EIF4ENIF1: variants seen among roughly 807,000 people sequenced by gnomAD.
The protein encoded by EIF4ENIF1 is eukaryotic translation initiation factor 4E nuclear import factor 1, also known as eukaryotic translation initiation factor 4E transporter.
In EIF4ENIF1, 23 loss-of-function variants were observed where a neutral mutation model predicts 110.5. That is an observed-to-expected ratio of 0.21 (90% CI 0.15 to 0.29). The LOEUF (loss-of-function observed/expected upper bound fraction) is 0.29. EIF4ENIF1 is among the 10% of genes least tolerant of loss of function. The probability of loss-of-function intolerance (pLI) is 1.00; values close to 1 mark genes in which losing one functional copy is unlikely to be tolerated. For synonymous variants in EIF4ENIF1, 440 were observed against 437.0 expected (o/e 1.01, Z -0.09); for missense variants, 1,031 against 1,221.1 (o/e 0.84, Z 2.32).
At chr22:31,474,487 C>T (rs1601631426) in intron 2 of EIF4ENIF1, among the ~76,000 whole-genome samples, 1 of 138,152 alleles carries the variant, frequency 7.2e-6, no homozygotes, top group African/African-American at 2.7e-5. Flanking sequence ...AACATGCCAT[C>T]TTTTTTTTTT....
At chr22:31,472,004 C>A in intron 2 of EIF4ENIF1, 87 bp from the exon 3 acceptor site, 1 of 1,006,358 alleles carries the variant, frequency 9.9e-7, no homozygotes. Context: ...TCTAAGTGTC[C>A]ATCTTAAACA....
chr22:31,485,856 C>G (rs982844657), intron 2 of EIF4ENIF1, among the ~76,000 whole-genome samples: 1 of 152,042 alleles, frequency 6.6e-6, no homozygotes, highest in Non-Finnish European at 1.5e-5. Flanking sequence ...TGGCTCACAC[C>G]TATAATCCCA....
At chr22:31,477,286 G>C (rs190043077) in intron 2 of EIF4ENIF1, among the ~76,000 whole-genome samples, 473 of 133,338 alleles carry the variant, frequency 3.5e-3, no homozygotes, top group African/African-American at 0.013. Flanking sequence ...GAAATTGGTT[G>C]AATTCAGGAG....
At chr22:31,470,192 C>A (rs1301101935) in intron 3 of EIF4ENIF1, among the ~76,000 whole-genome samples, 1 of 6,106 alleles carries the variant, frequency 1.6e-4, no homozygotes, top group Non-Finnish European at 2.8e-4. Flanking sequence ...AAAGAAAAAT[C>A]CTAACTAATT....
chr22:31,491,587 G>A (rs939457812), upstream of EIF4ENIF1, among the ~76,000 whole-genome samples: 1 of 152,154 alleles, frequency 6.6e-6, no homozygotes, highest in Non-Finnish European at 1.5e-5. Context: ...TTATTTTGGG[G>A]GTGATGAAGT....
chr22:31,441,081 CCT>C (rs1314018718), intron 17 of EIF4ENIF1, among the ~76,000 whole-genome samples: 6 of 152,052 alleles, frequency 3.9e-5, no homozygotes, highest in African/African-American at 1.4e-4. Flanking sequence ...ATGGTGAAAC[CCT>C]GTCTCTACTA....
chr22:31,447,711 G>A (rs1043316917), intron 13 of EIF4ENIF1, 146 bp from the exon 14 acceptor site: 9 of 848,534 alleles, frequency 1.1e-5, no homozygotes, highest in Admixed American at 1.0e-4. Flanking sequence ...TGCTGCCATC[G>A]CAGTGAACAA....
At chr22:31,471,797 A>T in intron 3 of EIF4ENIF1, 47 bp downstream of exon 3, 1 of 1,493,474 alleles carries the variant, frequency 6.7e-7, no homozygotes, top group Admixed American at 2.2e-5. Flanking sequence ...TGGTATAACA[A>T]AAAGTTATTG....
At position 31,443,001 on chromosome 22, in the gene EIF4ENIF1, G is replaced by T; in HGVS notation, c.2167C>A (p.Leu723Ile). 6.2e-7 allele frequency: 1 copy of T among 1,614,108 alleles called. No individual in the cohort carries two copies. The highest frequency in any genetic ancestry group is 2.2e-5 in the East Asian group (1 of 44,884). The change falls in exon 16 of 19, where the codon CTT becomes ATT. Residue 723 changes from leucine (L) to isoleucine (I), a missense_variant. Transcript: ENST00000330125. ...KEEPASGKAA[L>I]GDSKEDTQKA... ...TGAGTATCCTCTTTACTGTCACCAA[G>T]AGCTGCTTTTCCAGATGCTGGCTCC...
At chr22:31,447,059 T>C (rs1389081134) in intron 14 of EIF4ENIF1, 8 of 447,392 alleles carry the variant, frequency 1.8e-5, no homozygotes, top group Middle Eastern at 3.3e-4. Flanking sequence ...TAAAAATGAA[T>C]GGTTTAACTG....
intron 4 of EIF4ENIF1, among the ~76,000 whole-genome samples, 196 bp downstream of exon 4, chr22:31,467,979 A>C (rs2051247268): frequency 1.3e-5 from 2 of 152,204 alleles, no homozygotes; most frequent in Admixed American, 6.5e-5. Flanking sequence ...ACAGCCTAAC[A>C]GTCTTCTTAT....
chr22:31,466,326 T>C (rs2051185265), intron 4 of EIF4ENIF1, among the ~76,000 whole-genome samples: 1 of 151,670 alleles, frequency 6.6e-6, no homozygotes, highest in South Asian at 2.1e-4. Flanking sequence ...GGCGCGACAA[T>C]CGCTTGAACC....
upstream of EIF4ENIF1, chr22:31,490,087 G>A (rs1446787762): frequency 1.3e-5 from 2 of 152,254 alleles, no homozygotes; most frequent in African/African-American, 4.8e-5. Context: ...CCGCTCCCGT[G>A]CGCGCAGGCG....
chr22:31,454,339 T>C lies in EIF4ENIF1; in HGVS notation c.1317A>G (p.Glu439=), dbSNP rs762160705. 1 of 1,614,178 alleles carries C rather than the reference T, an allele frequency of 6.2e-7. No individual in the cohort carries two copies. The highest frequency in any genetic ancestry group is 8.5e-7 in the Non-Finnish European group (1 of 1,180,024). Residue 439 remains glutamate (E), a synonymous_variant, in exon 10 of 19, where the codon GAA becomes GAG. Coordinates refer to ENST00000330125, the MANE Select transcript of EIF4ENIF1 (RefSeq NM_019843.4). The stretch of plus-strand genomic sequence containing the variant: ...CAACCTTCAAGCCCTTCAGACCTGC[T>C]TCTACCTCCTCCACTGAAAGCACAA... ...SGVVLSVEEV[E]AGLKGLKVDQ...
In EIF4ENIF1 at chr22:31,455,391, CTTTCTT is replaced by C; in HGVS notation, c.1100-82_1100-77del. On this transcript the variant is annotated intron_variant, in intron 8 of 18. Transcript: ENST00000330125. ...CATGCCTTCGACAGTATTTTTCTTT[CTTTCTT>C]TTTTTTTTTTTTTTTCTTTGAGATG... The C allele has an allele frequency of 1.1e-5, 10 of 886,280 alleles. No individual in the cohort carries two copies. The East Asian group carries it at 2.3e-4, about 21-fold the overall frequency. The allele number at this position is 886,280 out of a possible 1,614,324, so 54.9% of individuals were successfully genotyped here.
At position 31,448,181 on chromosome 22, in the gene EIF4ENIF1, C is replaced by T. The variant is rs1339170412; in HGVS notation, c.1820G>A (p.Arg607His). 13 of 1,614,022 alleles carry T rather than the reference C, an allele frequency of 8.1e-6. No individual in the cohort carries two copies. The highest frequency in any genetic ancestry group is 4.5e-5 in the East Asian group (2 of 44,896). Residue 607 changes from arginine (R) to histidine (H), a missense_variant, in exon 13 of 19, where the codon CGC becomes CAC. Physicochemically the swap from Arg to His is conservative, Grantham distance 29. Around this residue, in one of 3 missense-constraint regions of EIF4ENIF1, gnomAD observed 704 missense variants for 879.7 expected, o/e 0.80. Coordinates refer to ENST00000330125, the MANE Select transcript of EIF4ENIF1 (RefSeq NM_019843.4). The stretch of plus-strand genomic sequence containing the variant: ...GGCTGTGATGGGGCTCATGGGTTTG[C>T]GCATGCCTTGGAATGGATCTCCGAG... ...QLLGDPFQGM[R>H]KPMSPITAQM...
In EIF4ENIF1 at chr22:31,463,849, T is replaced by C. The variant is rs141050190; in HGVS notation, c.417A>G (p.Pro139=). 18 of 1,613,940 alleles carry C rather than the reference T, an allele frequency of 1.1e-5. No individual in the cohort carries two copies. Among genetic ancestry groups the C allele is most frequent in the East Asian group, 6.7e-5 (3 of 44,876 alleles). ...AAVSSRRSGS[P]LEKDSDGLRL... ...GAAGCCCATCACTATCTTTCTCTAA[T>C]GGACTTCCTGAGCGCCGGGAGCTAA... Residue 139 remains proline, a synonymous_variant, in exon 5 of 19, where the codon CCA becomes CCG. Coordinates refer to ENST00000330125, the MANE Select transcript of EIF4ENIF1 (RefSeq NM_019843.4).
chr22:31,450,602 C>G (rs1230345836), intron 10 of EIF4ENIF1: 2 of 372,660 alleles, frequency 5.4e-6, no homozygotes, highest in Non-Finnish European at 1.0e-5. Context: ...TATGCTAATC[C>G]TAAGTCCATT....
chr22:31,466,532 A>G (rs965998616), intron 4 of EIF4ENIF1, among the ~76,000 whole-genome samples: 1 of 151,392 alleles, frequency 6.6e-6, no homozygotes, highest in Non-Finnish European at 1.5e-5. Context: ...CAGTAAGCAG[A>G]GACCACGCCA....
Sources: allele counts gnomAD v4.1 joint callset (sites outside exome capture counted in the v4.1 genomes callset), GRCh38; gene constraint gnomAD v4.1.1; regional missense constraint gnomAD v4.1.1; transcripts MANE v1.5; gene names NCBI Gene and HGNC (gene_info 2026-07-23, HGNC 2026-07-21).